Variants in C21orf58 observed in about 807,000 individuals in gnomAD.
The protein encoded by C21orf58 is uncharacterized protein C21orf58.
C21orf58 carries 34 observed loss-of-function variants against 35.8 expected under a neutral mutation model. The observed-to-expected ratio is 0.95, with a 90% CI of 0.72 to 1.26. The LOEUF is 1.26. C21orf58 is among the 50% of genes most tolerant of loss of function. The probability of loss-of-function intolerance (pLI) is 0.00; values close to 1 mark genes in which losing one functional copy is unlikely to be tolerated. For missense variants in C21orf58, 440 were observed against 414.3 expected, an observed-to-expected ratio of 1.06 and a Z score of -0.54; for synonymous variants, 191 against 175.8, an observed-to-expected ratio of 1.09 and a Z score of -0.68.
intron 3 of C21orf58, among the ~76,000 whole-genome samples, chr21:46,316,349 G>A (rs906899953): frequency 6.6e-6 from 1 of 152,112 alleles, no homozygotes; most frequent in Admixed American, 6.5e-5. Flanking sequence ...TCAGCTACTC[G>A]GGAGGCTGAG....
chr21:46,322,768 C>A lies in C21orf58; in HGVS notation c.-30G>T. ...CTATAGCCTGGGCGTCGCAGCGAGA[C>A]TGTCTCAAAAAAAGAAAAAAAATTC... On this transcript the variant is annotated 5_prime_UTR_variant, in exon 1 of 8. Transcript: ENST00000291691. 7.1e-7 allele frequency: 1 copy of A among 1,405,584 alleles called. No homozygotes were observed. Among genetic ancestry groups the A allele is most frequent in the Admixed American group, 3.0e-5 (1 of 33,584 alleles). The allele number at this position is 1,405,584 out of a possible 1,614,324, so 87.1% of individuals were successfully genotyped here.
intron 6 of C21orf58, among the ~76,000 whole-genome samples, chr21:46,308,148 C>T (rs865945782): frequency 2.6e-5 from 4 of 152,052 alleles, no homozygotes; most frequent in Non-Finnish European, 4.4e-5. Context: ...CATGTGCCAC[C>T]GCACCTGCTG....
chr21:46,313,104 C>T, intron 5 of C21orf58: 3 of 972,144 alleles, frequency 3.1e-6, no homozygotes, highest in Non-Finnish European at 3.7e-6. Flanking sequence ...ACATCGTAAA[C>T]AGCTTCCAAA....
intron 2 of C21orf58, 181 bp from the exon 3 acceptor site, chr21:46,317,449 G>T: frequency 1.0e-6 from 1 of 998,870 alleles, no homozygotes; most frequent in Non-Finnish European, 1.5e-6. Flanking sequence ...GCCTCTGTAA[G>T]CCTGACCTCT....
intron 4 of C21orf58, chr21:46,315,260 TC>T (rs1310708981): frequency 8.4e-6 from 5 of 592,584 alleles, no homozygotes; most frequent in Non-Finnish European, 1.5e-5. Flanking sequence ...GAATTTCAGG[TC>T]CTCCTGGAAT....
At chr21:46,310,491 T>TA (rs200384811) in intron 6 of C21orf58, among the ~76,000 whole-genome samples, 65 of 121,562 alleles carry the variant, frequency 5.3e-4, no homozygotes, top group South Asian at 2.7e-3. Flanking sequence ...ACAAAAAAAA[T>TA]AAAAATAAAA....
chr21:46,307,436 GCACACACACACC>G (rs796390525), intron 6 of C21orf58, among the ~76,000 whole-genome samples: 6 of 151,752 alleles, frequency 4.0e-5, no homozygotes, highest in African/African-American at 1.5e-4. Context: ...ACAAGCATAG[GCACACACACACC>G]CACACACACA....
chr21:46,318,722 G>C, intron 1 of C21orf58: 1 of 1,007,814 alleles, frequency 9.9e-7, no homozygotes, highest in Non-Finnish European at 1.2e-6. Flanking sequence ...AGGAGGGGTT[G>C]TGACCTGCAG....
rs765562849 is a variant in C21orf58, at chr21:46,322,643, C to A, written c.96G>T (p.Leu32=). ...ACCGCTGGACACCCCGCTCACCACA[C>A]AGAAGACTGTGGCCTGAGTCAGGAG... ...LPSPDSGHSL[L]CGWSPGGKAR... is the part of the protein sequence containing the mutation. Residue 32 remains leucine (L), a synonymous_variant, in exon 1 of 8, where the codon CTG becomes CTT. Coordinates refer to ENST00000291691, the MANE Select transcript of C21orf58 (RefSeq NM_058180.5). 14 of 1,578,406 alleles carry A rather than the reference C, an allele frequency of 8.9e-6. No individual in the cohort carries two copies. The highest frequency in any genetic ancestry group is 1.2e-5 in the Non-Finnish European group (14 of 1,162,234).
chr21:46,321,826 G>A (rs559166986), intron 1 of C21orf58, among the ~76,000 whole-genome samples: 3 of 151,112 alleles, frequency 2.0e-5, no homozygotes, highest in Admixed American at 6.6e-5. Flanking sequence ...GTGGCTATGT[G>A]TGGTCTACAC....
intron 6 of C21orf58, among the ~76,000 whole-genome samples, chr21:46,308,588 A>T (rs2082530888): frequency 6.6e-6 from 1 of 152,218 alleles, no homozygotes; most frequent in Non-Finnish European, 1.5e-5. Context: ...GTTGGCCATA[A>T]GCGAAAACAA....
intron 6 of C21orf58, among the ~76,000 whole-genome samples, chr21:46,308,152 C>T (rs566354478): frequency 1.3e-5 from 2 of 152,042 alleles, no homozygotes; most frequent in Admixed American, 1.3e-4. Flanking sequence ...TGCCACCGCA[C>T]CTGCTGATTT....
chr21:46,317,569 C>T (rs1198055156), intron 2 of C21orf58, among the ~76,000 whole-genome samples: 2 of 152,234 alleles, frequency 1.3e-5, no homozygotes, highest in Non-Finnish European at 2.9e-5. Context: ...GTGAGGCCTC[C>T]AGGCTTCCCA....
intron 6 of C21orf58, among the ~76,000 whole-genome samples, chr21:46,305,016 C>CTA (rs2082348119): frequency 1.3e-5 from 2 of 152,194 alleles, no homozygotes; most frequent in Non-Finnish European, 2.9e-5. Flanking sequence ...CTCATAGAAA[C>CTA]AGAACACAGG....
intron 6 of C21orf58, among the ~76,000 whole-genome samples, chr21:46,305,788 A>G (rs2082389723): frequency 6.6e-6 from 1 of 151,994 alleles, no homozygotes; most frequent in African/African-American, 2.4e-5. Context: ...AAATACAAAA[A>G]AAAATTAGCC....
chr21:46,310,990 G>C (rs534055170), intron 6 of C21orf58, among the ~76,000 whole-genome samples: 2 of 151,788 alleles, frequency 1.3e-5, no homozygotes, highest in East Asian at 3.9e-4. Flanking sequence ...TCCTGCCTCA[G>C]CCTCCCAAGT....
At position 46,301,323 on chromosome 21, in the gene C21orf58, T is replaced by G; in HGVS notation, c.*676A>C. On this transcript the variant is annotated 3_prime_UTR_variant, in exon 8 of 8. Transcript: ENST00000291691. ...CACCTGGCTAGTTTTTTAAATTTAT[T>G]TTTTGTAGAGACGGGGTCTTGCTAT... is the stretch of plus-strand genomic sequence containing the variant. 1 of 333,002 alleles carries G rather than the reference T, an allele frequency of 3.0e-6. No individual in the cohort carries two copies. The highest frequency in any genetic ancestry group is 4.3e-6 in the Non-Finnish European group (1 of 233,876). 20.6% of individuals were successfully genotyped at this position (333,002 alleles called of 1,614,324 possible). A position where few individuals can be genotyped will look rare whatever the true frequency, so the allele number is the denominator to read the frequency against.
chr21:46,302,213 C>T lies in C21orf58; in HGVS notation c.814-59G>A, dbSNP rs563229430. 6.5e-5 allele frequency: 93 copies of T among 1,433,646 alleles called. No individual in the cohort carries two copies. In the African/African-American group the frequency reaches 1.2e-3, roughly 18 times the overall value. 88.8% of individuals were successfully genotyped at this position (1,433,646 alleles called of 1,614,324 possible). On this transcript the variant is annotated intron_variant, in intron 7 of 7. Coordinates refer to ENST00000291691, the MANE Select transcript of C21orf58 (RefSeq NM_058180.5). Reference sequence around the variant, plus strand: ...CCCAGGCTGCTCCCCACCTCCACTCCCGCCCTGTTCCTAACTGGGGCTGGA... The same window carrying T: ...CCCAGGCTGCTCCCCACCTCCACTCTCGCCCTGTTCCTAACTGGGGCTGGA...
intron 6 of C21orf58, among the ~76,000 whole-genome samples, chr21:46,307,277 G>A (rs2082463164): frequency 6.6e-6 from 1 of 152,138 alleles, no homozygotes; most frequent in African/African-American, 2.4e-5. Context: ...CTCCCAAAGT[G>A]CTGGGATGAC....
Sources: gnomAD v4.1 joint callset for allele counts (sites outside exome capture counted in the v4.1 genomes callset) on GRCh38, gnomAD v4.1.1 for gene constraint, MANE v1.5 for transcripts, NCBI Gene and HGNC (gene_info 2026-07-23, HGNC 2026-07-21) for gene names.